Variants in CDYL2 observed in about 807,000 individuals in gnomAD.
CDYL2 encodes chromodomain Y like 2, also known as chromodomain Y-like protein 2.
Under a neutral mutation model 49.4 loss-of-function variants are expected in CDYL2, and 23 were observed. That is an observed-to-expected ratio of 0.47 (90% confidence interval 0.34 to 0.66). The LOEUF is 0.66. Among genes scored for constraint, CDYL2 ranks in the 30% least tolerant of loss-of-function variants. The pLI is 0.01. For missense variants in CDYL2, 678 were observed against 656.4 expected (o/e 1.03, Z -0.36); for synonymous variants, 360 against 268.8 (o/e 1.34, Z -3.32).
At chr16:80,696,432 GT>G (rs1005230449) in intron 1 of CDYL2, among the ~76,000 whole-genome samples, 20 of 151,806 alleles carry the variant, frequency 1.3e-4, no homozygotes, top group African/African-American at 3.4e-4. Context: ...CAACAATACA[GT>G]TTTTTTTAAA....
At chr16:80,801,345 C>T (rs896936839) in intron 1 of CDYL2, among the ~76,000 whole-genome samples, 1 of 152,222 alleles carries the variant, frequency 6.6e-6, no homozygotes, top group African/African-American at 2.4e-5. Context: ...TTGAAGAGTG[C>T]TATTACATAA....
At chr16:80,769,112 C>A (rs538074616) in intron 1 of CDYL2, among the ~76,000 whole-genome samples, 7 of 152,306 alleles carry the variant, frequency 4.6e-5, no homozygotes, top group Admixed American at 3.3e-4. Flanking sequence ...CCACAGTCCC[C>A]CAGTCCATGG....
intron 1 of CDYL2, among the ~76,000 whole-genome samples, chr16:80,770,778 T>C (rs1215543262): frequency 6.6e-6 from 1 of 152,100 alleles, no homozygotes; most frequent in Non-Finnish European, 1.5e-5. Context: ...TATTATGCCA[T>C]CAAAAACTAG....
chr16:80,797,236 T>C (rs1907793014), intron 1 of CDYL2, among the ~76,000 whole-genome samples: 1 of 152,176 alleles, frequency 6.6e-6, no homozygotes, highest in Non-Finnish European at 1.5e-5. Context: ...ACCTGGATGT[T>C]CAACAAACAC....
Position 80,609,392 on chromosome 16 carries a change from C to T in CDYL2, c.1219-1157G>A, listed in dbSNP as rs546179096. Among the ~76,000 whole-genome samples, 4 of 152,314 alleles carry T rather than the reference C, an allele frequency of 2.6e-5. No individual in the cohort carries two copies. In the East Asian group the frequency reaches 7.7e-4, roughly 29 times the overall value. ...GCACTCTCAGGCCTCCAGAGCTATG[C>T]GTAAGTTCCCCCACTGAGTTCTGGT... On this transcript the variant is annotated intron_variant, in intron 5 of 6. Transcript: ENST00000570137.
chr16:80,680,337 A>C (rs747847612), intron 2 of CDYL2, among the ~76,000 whole-genome samples: 11 of 152,222 alleles, frequency 7.2e-5, no homozygotes, highest in Non-Finnish European at 1.3e-4. Context: ...AAATGTGGAC[A>C]TGGGGCCACA....
At chr16:80,610,669 A>C (rs1216628730) in intron 5 of CDYL2, among the ~76,000 whole-genome samples, 2 of 152,182 alleles carry the variant, frequency 1.3e-5, no homozygotes, top group Non-Finnish European at 2.9e-5. Context: ...CAAGTCACTT[A>C]ACGTCACAAA....
intron 5 of CDYL2, among the ~76,000 whole-genome samples, chr16:80,611,690 C>T (rs1013915539): frequency 2.0e-5 from 3 of 152,250 alleles, no homozygotes; most frequent in Non-Finnish European, 4.4e-5. Flanking sequence ...AGACAACTCA[C>T]TAAACCTCTC....
intron 1 of CDYL2, chr16:80,736,283 A>G (rs1313897748): frequency 2.6e-5 from 4 of 152,266 alleles, no homozygotes; most frequent in Non-Finnish European, 4.4e-5. Context: ...TTCTAACGGC[A>G]AAACACGATA....
At chr16:80,682,149 C>A (rs185600328) in intron 2 of CDYL2, among the ~76,000 whole-genome samples, 246 of 152,260 alleles carry the variant, frequency 1.6e-3, no homozygotes, top group Non-Finnish European at 2.5e-3. Context: ...AATCTGAGAA[C>A]CAGTGCCTTA....
At chr16:80,638,010 A>C (rs1907916181) in intron 2 of CDYL2, among the ~76,000 whole-genome samples, 1 of 152,244 alleles carries the variant, frequency 6.6e-6, no homozygotes, top group African/African-American at 2.4e-5. Context: ...AAATTGTAAA[A>C]TTCTGATGAA....
chr16:80,752,373 A>G (rs1286475248), intron 1 of CDYL2, among the ~76,000 whole-genome samples: 5 of 152,186 alleles, frequency 3.3e-5, no homozygotes, highest in African/African-American at 1.2e-4. Flanking sequence ...CTCTGTGAAA[A>G]AAACAATTAC....
At chr16:80,761,559 G>T (rs979610948) in intron 1 of CDYL2, among the ~76,000 whole-genome samples, 2 of 152,104 alleles carry the variant, frequency 1.3e-5, no homozygotes, top group South Asian at 4.2e-4. Context: ...CCTCCCTGTA[G>T]ATCAGAATCA....
At chr16:80,659,107 G>A (rs1031902261) in intron 2 of CDYL2, among the ~76,000 whole-genome samples, 7 of 139,006 alleles carry the variant, frequency 5.0e-5, no homozygotes, top group African/African-American at 8.5e-5. Context: ...ATGGACAGAC[G>A]GATGGATGGA....
At chr16:80,791,640 G>A (rs1368207803) in intron 1 of CDYL2, among the ~76,000 whole-genome samples, 1 of 152,178 alleles carries the variant, frequency 6.6e-6, no homozygotes, top group Non-Finnish European at 1.5e-5. Flanking sequence ...GACAAGGATT[G>A]GTAACGGACA....
intron 1 of CDYL2, among the ~76,000 whole-genome samples, chr16:80,743,408 T>C (rs1337323699): frequency 6.6e-6 from 1 of 152,214 alleles, no homozygotes; most frequent in Non-Finnish European, 1.5e-5. Context: ...AGTCTAAATC[T>C]CAAGGAACCA....
intron 1 of CDYL2, among the ~76,000 whole-genome samples, chr16:80,785,584 A>G (rs1259697191): frequency 6.6e-6 from 1 of 152,186 alleles, no homozygotes; most frequent in African/African-American, 2.4e-5. Context: ...GCTACCACTG[A>G]CTTTTTTCAA....
At position 80,804,257 on chromosome 16, in the gene CDYL2, G is replaced by A. The variant is rs1011112693; in HGVS notation, c.-84C>T. The A allele has an allele frequency of 4.1e-6, 5 of 1,220,374 alleles. No individual in the cohort carries two copies. Among genetic ancestry groups the A allele is most frequent in the Non-Finnish European group, 5.4e-6 (5 of 927,076 alleles). The allele number at this position is 1,220,374 out of a possible 1,614,324, so 75.6% of individuals were successfully genotyped here. On this transcript the variant is annotated 5_prime_UTR_variant, in exon 1 of 7. Coordinates refer to ENST00000570137, the MANE Select transcript of CDYL2 (RefSeq NM_152342.4). ...CGTGTGCGCGCGGGGTCCGGTGTGC[G>A]CGTGTGTGTGCGCGCGTGTGTGTGC... is the stretch of plus-strand genomic sequence containing the variant.
chr16:80,671,347 A>C lies in CDYL2; in HGVS notation c.616+13191T>G, dbSNP rs142548290. Reference sequence around the variant, plus strand: ...TGGTATTTCTGCCAGTTCATCAAAAATTTAGGACCAGTCCTTCCATGGATG... The same window carrying C: ...TGGTATTTCTGCCAGTTCATCAAAACTTTAGGACCAGTCCTTCCATGGATG... On this transcript the variant is annotated intron_variant, in intron 2 of 6. Coordinates refer to ENST00000570137, the MANE Select transcript of CDYL2 (RefSeq NM_152342.4). Among the ~76,000 whole-genome samples the C allele has an allele frequency of 7.7e-4, 117 of 152,314 alleles. No individual in the cohort carries two copies. The East Asian group carries it at 0.016, about 21-fold the overall frequency.
Sources: allele counts gnomAD v4.1 joint callset (sites outside exome capture counted in the v4.1 genomes callset), GRCh38; gene constraint gnomAD v4.1.1; transcripts MANE v1.5; gene names NCBI Gene and HGNC (gene_info 2026-07-23, HGNC 2026-07-21).